The following SCRN1 variants were observed in gnomAD, a reference collection of about 807,000 sequenced individuals.
SCRN1 encodes secernin-1.
A neutral mutation model predicts 43.3 loss-of-function variants in SCRN1; 19 were observed. The observed-to-expected ratio is 0.44, with a 90% CI of 0.31 to 0.64. The LOEUF (loss-of-function observed/expected upper bound fraction) is 0.64, where lower values mean the gene tolerates loss of function less well. Ranked by LOEUF, SCRN1 falls within the 30% of genes least tolerant of loss-of-function variation. SCRN1 has a pLI of 0.09. For missense variants in SCRN1, 447 were observed against 524.1 expected, an observed-to-expected ratio of 0.85 and a Z score of 1.44; for synonymous variants, 183 against 188.9, an observed-to-expected ratio of 0.97 and a Z score of 0.26.
At chr7:29,972,360 A>G (rs1398167462) in intron 1 of SCRN1, among the ~76,000 whole-genome samples, 1 of 152,232 alleles carries the variant, frequency 6.6e-6, no homozygotes, top group African/African-American at 2.4e-5. Context: ...ATCCTTAAAA[A>G]TGGTAGAAAT....
chr7:29,964,825 C>T (rs2128096592), intron 2 of SCRN1, among the ~76,000 whole-genome samples: 1 of 152,090 alleles, frequency 6.6e-6, no homozygotes, highest in East Asian at 1.9e-4. Flanking sequence ...ACCTGTAATC[C>T]CAGCTACTTG....
Position 29,944,013 on chromosome 7 carries a change from T to C in SCRN1, c.508A>G (p.Thr170Ala), listed in dbSNP as rs767230411. 5.7e-5 allele frequency: 92 copies of C among 1,614,052 alleles called. No homozygotes were observed. Among genetic ancestry groups the C allele is most frequent in the Non-Finnish European group, 7.0e-5 (83 of 1,180,044 alleles). The change falls in exon 4 of 8, where the codon ACC (threonine) becomes GCC (alanine). Residue 170 changes from threonine to alanine, a missense_variant. Thr to Ala is a moderately conservative substitution (Grantham distance 58). Transcript: ENST00000242059. ...VDRDEAWVLETIGKYWAAEKV... is the reference protein window; with the variant it reads ...VDRDEAWVLEAIGKYWAAEKV... ...TCGGCAGCCCAGTACTTCCCTATGG[T>C]CTCGAGCACCCAGGCTTCATCACGA...
chr7:29,945,496 T>A (rs1787707722), intron 3 of SCRN1, among the ~76,000 whole-genome samples: 1 of 152,236 alleles, frequency 6.6e-6, no homozygotes, highest in South Asian at 2.1e-4. Flanking sequence ...TTTTATGTCA[T>A]CTATAAAATG....
chr7:29,950,739 A>T lies in SCRN1; in HGVS notation c.341+4440T>A, dbSNP rs1305758637. ...TGGGCCTCCTTGACTCGTTGGGATG[A>T]CCTGCCTGCAGCAGAAGGGAGCTAC... On this transcript the variant is annotated intron_variant, in intron 3 of 7. Coordinates refer to ENST00000242059, the MANE Select transcript of SCRN1 (RefSeq NM_014766.5). This position sits in a 1 kb window ranked among gnomAD's most constrained non-coding sequence, Gnocchi z 4.5. 3.3e-5 allele frequency among the ~76,000 whole-genome samples: 5 copies of T among 152,198 alleles called. No homozygotes were observed. The highest frequency in any genetic ancestry group is 7.3e-5 in the Non-Finnish European group (5 of 68,038).
At chr7:29,951,522 C>A (rs1787921957) in intron 3 of SCRN1, among the ~76,000 whole-genome samples, 1 of 152,212 alleles carries the variant, frequency 6.6e-6, no homozygotes, top group Non-Finnish European at 1.5e-5. Context: ...GGATTACAGG[C>A]ATGAGCCACT....
chr7:29,972,260 C>T (rs1021975060), intron 1 of SCRN1, among the ~76,000 whole-genome samples: 2 of 152,078 alleles, frequency 1.3e-5, no homozygotes, highest in African/African-American at 2.4e-5. Context: ...TGTGATGCCT[C>T]GAGTATCTCA....
intron 1 of SCRN1, among the ~76,000 whole-genome samples, chr7:29,972,863 T>C (rs1303153608): frequency 6.6e-6 from 1 of 152,236 alleles, no homozygotes; most frequent in Non-Finnish European, 1.5e-5. Context: ...GAAGTGTAGT[T>C]AGACTGATGA....
At chr7:29,982,530 T>TAAATTAGTCAGGTGTAGTGGTGTACA in intron 1 of SCRN1, among the ~76,000 whole-genome samples, 1 of 151,598 alleles carries the variant, frequency 6.6e-6, no homozygotes, top group Non-Finnish European at 1.5e-5. Context: ...AAAATAAAAA[T>TAAATTAGTCAGGTGTAGTGGTGTACA]AAATTAGTCA....
intron 1 of SCRN1, among the ~76,000 whole-genome samples, chr7:29,986,716 AATT>A (rs1263036358): frequency 7.2e-6 from 1 of 138,330 alleles, no homozygotes; most frequent in African/African-American, 2.7e-5. Context: ...TAATTTTTTT[AATT>A]TTTTTTTTTT....
intron 2 of SCRN1, among the ~76,000 whole-genome samples, chr7:29,957,443 C>T (rs1788170742): frequency 6.6e-6 from 1 of 152,230 alleles, no homozygotes; most frequent in South Asian, 2.1e-4. Flanking sequence ...CCGTTCCATT[C>T]CATTTATCCC....
intron 1 of SCRN1, among the ~76,000 whole-genome samples, chr7:29,984,344 T>C (rs891778043): frequency 2.6e-5 from 4 of 151,666 alleles, no homozygotes; most frequent in Admixed American, 2.6e-4. Flanking sequence ...ATTTTTTAAA[T>C]AACATTAGCA....
chr7:29,932,336 T>C (rs934852509), intron 6 of SCRN1, among the ~76,000 whole-genome samples: 1 of 152,126 alleles, frequency 6.6e-6, no homozygotes, highest in Non-Finnish European at 1.5e-5. Flanking sequence ...TTTCTGACAT[T>C]TGAATTATCT....
intron 6 of SCRN1, among the ~76,000 whole-genome samples, chr7:29,931,031 T>C (rs1380796318): frequency 2.0e-5 from 3 of 152,184 alleles, no homozygotes; most frequent in Admixed American, 6.5e-5. Context: ...CCAAACTCCA[T>C]TGCAGAGATC....
intron 1 of SCRN1, among the ~76,000 whole-genome samples, chr7:29,977,714 TTAAG>T (rs755987519): frequency 5.6e-4 from 86 of 152,376 alleles, no homozygotes; most frequent in African/African-American, 2.0e-3. Context: ...GTATGGGCTA[TTAAG>T]TGAGTAAGCA....
At chr7:29,924,675 C>T (rs931947969) in intron 7 of SCRN1, among the ~76,000 whole-genome samples, 4 of 152,180 alleles carry the variant, frequency 2.6e-5, no homozygotes, top group African/African-American at 9.7e-5. Context: ...CATTTCTATC[C>T]TCCAGTGACT....
At chr7:29,959,386 G>T (rs1416904926) in intron 2 of SCRN1, among the ~76,000 whole-genome samples, 1 of 151,948 alleles carries the variant, frequency 6.6e-6, no homozygotes, top group Non-Finnish European at 1.5e-5. Context: ...TATCACTGAG[G>T]GTTTTTTATT....
rs1220454163 is a variant in SCRN1 at position 29,944,071 on chromosome 7, G to A, written c.450C>T (p.Cys150=). 1 of 1,614,188 alleles carries A rather than the reference G, an allele frequency of 6.2e-7. No individual in the cohort carries two copies. Among genetic ancestry groups the A allele is most frequent in the Non-Finnish European group, 8.5e-7 (1 of 1,180,034 alleles). The change falls in exon 4 of 8, where the codon TGC becomes TGT. Residue 150 remains cysteine (C), a synonymous_variant. Coordinates refer to ENST00000242059, the MANE Select transcript of SCRN1 (RefSeq NM_014766.5). Reference sequence around the variant, plus strand: ...TCAGATATGCACTTTGGAAGCTGTGGCAGGAGTTTGCATCTTCAAAGTAAT... The same window carrying A: ...TCAGATATGCACTTTGGAAGCTGTGACAGGAGTTTGCATCTTCAAAGTAAT... ...GGNYFEDANS[C]HSFQSAYLIV...
chr7:29,986,717 ATTTTTTT>A (rs553845779), intron 1 of SCRN1, among the ~76,000 whole-genome samples: 32 of 99,830 alleles, frequency 3.2e-4, no homozygotes, highest in South Asian at 2.5e-3. Context: ...AATTTTTTTA[ATTTTTTT>A]TTTTTTTTTT....
At chr7:29,937,188 G>A (rs946099389) in intron 5 of SCRN1, among the ~76,000 whole-genome samples, 1 of 152,230 alleles carries the variant, frequency 6.6e-6, no homozygotes, top group Non-Finnish European at 1.5e-5. Context: ...CCAAACTACA[G>A]TCTATTTCCC....
Sources: gnomAD v4.1 joint callset for allele counts (sites outside exome capture counted in the v4.1 genomes callset) on GRCh38, gnomAD v4.1.1 for gene constraint, Gnocchi (gnomAD v3.1) non-coding constraint, MANE v1.5 for transcripts, NCBI Gene and HGNC (gene_info 2026-07-23, HGNC 2026-07-21) for gene names.